Variants in KLHL14 observed in about 807,000 individuals in gnomAD.
KLHL14 encodes the protein kelch like family member 14, also known as kelch-like protein 14.
A neutral mutation model predicts 64.3 loss-of-function variants in KLHL14; 22 were observed. That is an observed-to-expected ratio of 0.34 (90% CI 0.24 to 0.49). The LOEUF (loss-of-function observed/expected upper bound fraction) is 0.49. Among genes scored for constraint, KLHL14 ranks in the 20% least tolerant of loss-of-function variants. The pLI is 0.99. For synonymous variants in KLHL14, 322 were observed against 333.4 expected (o/e 0.97, Z 0.37); for missense variants, 661 against 789.0 (o/e 0.84, Z 1.94).
chr18:32,739,423 T>C (rs999328806), intron 3 of KLHL14, among the ~76,000 whole-genome samples: 1 of 151,324 alleles, frequency 6.6e-6, no homozygotes, highest in African/African-American at 2.4e-5. Context: ...ATTATCTAGG[T>C]AAACTTTCTA....
intron 3 of KLHL14, among the ~76,000 whole-genome samples, chr18:32,702,477 A>G (rs2049970921): frequency 6.6e-6 from 1 of 151,930 alleles, no homozygotes; most frequent in South Asian, 2.1e-4. Flanking sequence ...TGGCTAATGC[A>G]TTTCTGGAGA....
intron 2 of KLHL14, among the ~76,000 whole-genome samples, chr18:32,765,729 A>G (rs1237073081): frequency 6.6e-6 from 1 of 152,170 alleles, no homozygotes; most frequent in Non-Finnish European, 1.5e-5. Flanking sequence ...CACCAAAACC[A>G]GGAATCAAAA....
At chr18:32,717,288 G>C (rs1037925824) in intron 3 of KLHL14, among the ~76,000 whole-genome samples, 25 of 152,200 alleles carry the variant, frequency 1.6e-4, no homozygotes, top group Admixed American at 1.4e-3. Flanking sequence ...GCATGTTGAA[G>C]TGAGAAAGAC....
At chr18:32,696,386 C>G (rs1354537344) in intron 3 of KLHL14, among the ~76,000 whole-genome samples, 1 of 152,188 alleles carries the variant, frequency 6.6e-6, no homozygotes, top group Admixed American at 6.5e-5. Flanking sequence ...CTCCTGTCTC[C>G]TTTTGTGCTG....
chr18:32,716,420 C>CTTTTTTT (rs60090148), intron 3 of KLHL14, among the ~76,000 whole-genome samples: 2 of 147,390 alleles, frequency 1.4e-5, no homozygotes, highest in African/African-American at 5.0e-5. Flanking sequence ...GCTTGCTTGA[C>CTTTTTTT]TTTTTTTTTT....
intron 3 of KLHL14, among the ~76,000 whole-genome samples, chr18:32,697,803 T>G (rs2049944270): frequency 6.6e-6 from 1 of 152,196 alleles, no homozygotes; most frequent in African/African-American, 2.4e-5. Flanking sequence ...AGCTAACTAT[T>G]GAACTCTTCA....
Position 32,772,648 on chromosome 18 carries a change from C to T in KLHL14, c.-44+19G>A, listed in dbSNP as rs1283422904. The T allele has an allele frequency of 6.7e-6, 1 of 149,580 alleles. No homozygotes were observed. The highest frequency in any genetic ancestry group is 2.5e-5 in the African/African-American group (1 of 40,284). 9.3% of individuals were successfully genotyped at this position (149,580 alleles called of 1,614,324 possible). A position where few individuals can be genotyped will look rare whatever the true frequency, so the allele number is the denominator to read the frequency against. ...CAGAACAAAATACACACAAGGCAGACACAAGGCCAGAAACTTACCTGTTCT... is the reference window on the plus strand; with the variant it reads ...CAGAACAAAATACACACAAGGCAGATACAAGGCCAGAAACTTACCTGTTCT... On this transcript the variant is annotated intron_variant, in intron 1 of 8. Transcript: ENST00000359358.
intron 1 of KLHL14, among the ~76,000 whole-genome samples, chr18:32,771,619 G>T (rs895061149): frequency 7.2e-5 from 11 of 152,174 alleles, no homozygotes; most frequent in Non-Finnish European, 1.5e-4. Flanking sequence ...GACTCAGGGG[G>T]AGGAAGTGGG....
intron 5 of KLHL14, among the ~76,000 whole-genome samples, chr18:32,684,785 T>C (rs2049864158): frequency 6.6e-6 from 1 of 152,188 alleles, no homozygotes; most frequent in Non-Finnish European, 1.5e-5. Context: ...GTGTCTCATA[T>C]ATTTCTAGAT....
Position 32,770,216 on chromosome 18 carries a change from C to T in KLHL14, c.376G>A (p.Val126Met). The T allele has an allele frequency of 6.2e-7, 1 of 1,609,424 alleles. No individual in the cohort carries two copies. The highest frequency in any genetic ancestry group is 8.5e-7 in the Non-Finnish European group (1 of 1,176,584). Reference sequence around the variant, plus strand: ...CCGATGGACGAGCAGCCCTGCAGCACCAGGTTGTTGATGGCCCGGGGGCTG... The same window carrying T: ...CCGATGGACGAGCAGCCCTGCAGCATCAGGTTGTTGATGGCCCGGGGGCTG... ...LTSPRAINNLVLQGCSSIGLR... is the reference protein window; with the variant it reads ...LTSPRAINNLMLQGCSSIGLR... The change falls in exon 2 of 9, where the codon GTG (valine) becomes ATG (methionine). Residue 126 changes from valine (V) to methionine (M), a missense_variant. Val to Met is a conservative substitution (Grantham distance 21, BLOSUM62 1). This residue lies in a region of KLHL14 where 331 missense variants were observed against 339.0 expected (regional missense o/e 0.98). Transcript: ENST00000359358. The surrounding 1 kb of genome is among the most constrained non-coding windows in gnomAD (Gnocchi z 6.7).
intron 3 of KLHL14, among the ~76,000 whole-genome samples, chr18:32,718,300 A>T (rs1012095705): frequency 1.3e-5 from 2 of 152,194 alleles, no homozygotes; most frequent in Non-Finnish European, 2.9e-5. Context: ...GCCAACTCTG[A>T]GCAATTTCCT....
At chr18:32,717,108 G>T (rs964276661) in intron 3 of KLHL14, among the ~76,000 whole-genome samples, 1 of 152,148 alleles carries the variant, frequency 6.6e-6, no homozygotes, top group Non-Finnish European at 1.5e-5. Flanking sequence ...CATAATAAAT[G>T]AGGTGAATGG....
chr18:32,677,292 C>T lies in KLHL14; in HGVS notation c.1627G>A (p.Asp543Asn). ...ATATTCCACTGGTCACCTTTTGGGT[C>T]ATAGCATTCCACAAGCATTACATCA... ...HLDVMLVECYDPKGDQWNILQ... is the reference protein window; with the variant it reads ...HLDVMLVECYNPKGDQWNILQ... Residue 543 changes from aspartate to asparagine, a missense_variant, in exon 8 of 9, where the codon GAC becomes AAC. By Grantham distance (23) the Asp-to-Asn change is conservative. This residue lies in a region of KLHL14 where 330 missense variants were observed against 450.0 expected (regional missense o/e 0.73). Transcript: ENST00000359358. 1 of 1,613,228 alleles carries T rather than the reference C, an allele frequency of 6.2e-7. No individual in the cohort carries two copies. Among genetic ancestry groups the T allele is most frequent in the South Asian group, 1.1e-5 (1 of 90,994 alleles).
chr18:32,697,554 A>G (rs913025759), intron 3 of KLHL14, among the ~76,000 whole-genome samples: 5 of 152,222 alleles, frequency 3.3e-5, no homozygotes, highest in African/African-American at 7.2e-5. Context: ...CCCAAATCTT[A>G]TAAATAATGA....
At position 32,770,634 on chromosome 18, in the gene KLHL14, C is replaced by A; in HGVS notation, c.-43G>T. On this transcript the variant is annotated splice_region_variant and 5_prime_UTR_variant, in exon 2 of 9. Coordinates refer to ENST00000359358, the MANE Select transcript of KLHL14 (RefSeq NM_020805.3). The surrounding 1 kb of genome is among the most constrained non-coding windows in gnomAD (Gnocchi z 6.7). The stretch of plus-strand genomic sequence containing the variant: ...CACCTGGCTTTAAACCCTCCTCCAA[C>A]CTGGCAGACAGGGGTGGGGGATGGG... 1 of 1,277,676 alleles carries A rather than the reference C, an allele frequency of 7.8e-7. No individual in the cohort carries two copies. The highest frequency in any genetic ancestry group is 1.0e-6 in the Non-Finnish European group (1 of 986,914). The allele number at this position is 1,277,676 out of a possible 1,614,324, so 79.1% of individuals were successfully genotyped here.
chr18:32,675,263 T>C (rs1171853917), intron 8 of KLHL14, among the ~76,000 whole-genome samples: 1 of 152,150 alleles, frequency 6.6e-6, no homozygotes, highest in Non-Finnish European at 1.5e-5. Context: ...CTTGGGAGGC[T>C]AGGACAGGAG....
At chr18:32,699,240 C>A (rs2049951612) in intron 3 of KLHL14, among the ~76,000 whole-genome samples, 2 of 152,080 alleles carry the variant, frequency 1.3e-5, no homozygotes, top group South Asian at 4.1e-4. Context: ...TAATAACCAG[C>A]ATTGACCAAA....
At chr18:32,695,692 G>A in intron 3 of KLHL14, 140 bp from the exon 4 acceptor site, 1 of 629,624 alleles carries the variant, frequency 1.6e-6, no homozygotes, top group South Asian at 2.0e-5. Flanking sequence ...AGGTGGCCAA[G>A]CCACTACTCA....
intron 3 of KLHL14, among the ~76,000 whole-genome samples, chr18:32,706,093 A>T (rs1414279243): frequency 6.6e-6 from 1 of 152,192 alleles, no homozygotes; most frequent in East Asian, 1.9e-4. Context: ...CACTTATTTG[A>T]CTTTAAAGCC....
Sources: gnomAD v4.1 joint callset for allele counts (sites outside exome capture counted in the v4.1 genomes callset) on GRCh38, gnomAD v4.1.1 for gene constraint, gnomAD v4.1.1 regional missense constraint, Gnocchi (gnomAD v3.1) non-coding constraint, MANE v1.5 for transcripts, NCBI Gene and HGNC (gene_info 2026-07-23, HGNC 2026-07-21) for gene names.